ABCA5: variants seen among roughly 807,000 people sequenced by gnomAD.
ABCA5 encodes the protein ATP binding cassette subfamily A member 5, also known as cholesterol transporter ABCA5.
Under a neutral mutation model 206.0 loss-of-function variants are expected in ABCA5, and 163 were observed. The observed-to-expected ratio is 0.79, with a 90% CI of 0.70 to 0.90. The LOEUF (loss-of-function observed/expected upper bound fraction) is 0.90, where lower values mean the gene tolerates loss of function less well. Among genes scored for constraint, ABCA5 ranks in the 40% least tolerant of loss-of-function variants. The probability of loss-of-function intolerance (pLI) is 0.00; values close to 1 mark genes in which losing one functional copy is unlikely to be tolerated. For missense variants in ABCA5, 1,859 were observed against 1,912.9 expected, an observed-to-expected ratio of 0.97 and a Z score of 0.53; for synonymous variants, 609 against 613.8, an observed-to-expected ratio of 0.99 and a Z score of 0.11.
chr17:69,302,948 T>C (rs920586105), intron 7 of ABCA5, 42 bp from the exon 8 acceptor site: 2 of 1,083,584 alleles, frequency 1.8e-6, no homozygotes, highest in Non-Finnish European at 2.5e-6. Flanking sequence ...TGTTCATATA[T>C]ACCAGTATGA....
intron 5 of ABCA5, 128 bp from the exon 6 acceptor site, chr17:69,307,082 T>C (rs1162853977): frequency 8.9e-6 from 4 of 450,334 alleles, no homozygotes; most frequent in African/African-American, 8.1e-5. Flanking sequence ...AAAAGCTCCA[T>C]ACCTGAAATA....
intron 17 of ABCA5, 96 bp downstream of exon 17, chr17:69,285,802 T>C (rs1246103852): frequency 1.2e-5 from 16 of 1,291,030 alleles, no homozygotes; most frequent in Non-Finnish European, 1.5e-5. Context: ...AGCATGGCAA[T>C]ACTACATGGA....
chr17:69,258,589 G>A (rs1468138027), intron 28 of ABCA5, among the ~76,000 whole-genome samples: 3 of 152,002 alleles, frequency 2.0e-5, no homozygotes, highest in Non-Finnish European at 4.4e-5. Flanking sequence ...CTACCTATTA[G>A]GTACAACGTT....
In ABCA5 at chr17:69,250,523, C is replaced by A. The variant is rs370515109; in HGVS notation, c.4634G>T (p.Arg1545Leu). The change falls in exon 36 of 39, where the codon CGC becomes CTC. Residue 1545 changes from arginine to leucine, a missense_variant. Transcript: ENST00000392676. ...AATATACTGAATTTCTCTTTGAAGG[C>A]GGTCTACTTCTAGGTTTTCTATCCA... Reference protein sequence around the residue: ...KDWIENLEVDRLQREIQYIFP... With the variant: ...KDWIENLEVDLLQREIQYIFP... 2 of 1,602,110 alleles carry A rather than the reference C, an allele frequency of 1.2e-6. No individual in the cohort carries two copies. The highest frequency in any genetic ancestry group is 2.3e-5 in the South Asian group (2 of 88,498).
chr17:69,272,807 C>T (rs1040271967), intron 20 of ABCA5, among the ~76,000 whole-genome samples: 3 of 152,116 alleles, frequency 2.0e-5, no homozygotes, highest in African/African-American at 7.2e-5. Context: ...TGTAATATAA[C>T]ACGCACCAGA....
chr17:69,251,831 C>T lies in ABCA5; in HGVS notation c.4451G>A (p.Arg1484Gln), dbSNP rs774971336. The change falls in exon 35 of 39, where the codon CGG becomes CAG. Residue 1484 changes from arginine (R) to glutamine (Q), a missense_variant. By Grantham distance (43) the Arg-to-Gln change is conservative. Coordinates refer to ENST00000392676, the MANE Select transcript of ABCA5 (RefSeq NM_172232.4). ...AIRTAFKNRK[R>Q]AAILTTHYME... ...ATAGTGAGTGGTCAGAATAGCAGCC[C>T]GCTTTCTGTTTTTAAATGCAGTTCG... 20 of 1,613,466 alleles carry T rather than the reference C, an allele frequency of 1.2e-5. No individual in the cohort carries two copies. Among genetic ancestry groups the T allele is most frequent in the East Asian group, 6.7e-5 (3 of 44,838 alleles).
Position 69,306,770 on chromosome 17 carries a change from A to T in ABCA5, c.743T>A (p.Ile248Lys). 1 of 1,553,676 alleles carries T rather than the reference A, an allele frequency of 6.4e-7. No individual in the cohort carries two copies. The part of the protein sequence containing the change: ...IHIVAEKEKK[I>K]KEFLKIMGLH... The stretch of plus-strand genomic sequence containing the variant: ...TCCCATTATCTTTAAAAATTCTTTT[A>T]TTTTTTTTTCTTTTTCTGCTACGAT... The change falls in exon 6 of 39, where the codon ATA (isoleucine) becomes AAA (lysine). Residue 248 changes from isoleucine (I) to lysine (K), a missense_variant. By Grantham distance (102) the Ile-to-Lys change is moderately radical. Coordinates refer to ENST00000392676, the MANE Select transcript of ABCA5 (RefSeq NM_172232.4).
At chr17:69,278,689 A>T (rs1254600630) in intron 18 of ABCA5, among the ~76,000 whole-genome samples, 1 of 152,198 alleles carries the variant, frequency 6.6e-6, no homozygotes, top group South Asian at 2.1e-4. Context: ...ATTCATTTAA[A>T]TTACAGTTAA....
intron 14 of ABCA5, among the ~76,000 whole-genome samples, chr17:69,288,734 GAAA>G (rs2075490882): frequency 2.0e-5 from 3 of 150,586 alleles, no homozygotes; most frequent in Non-Finnish European, 4.4e-5. Context: ...AAGAAAGAAA[GAAA>G]GAAAGAAAGA....
intron 35 of ABCA5, 87 bp downstream of exon 35, chr17:69,251,660 T>C: frequency 1.3e-6 from 2 of 1,484,962 alleles, no homozygotes; most frequent in Non-Finnish European, 1.8e-6. Context: ...TTTAAATTAC[T>C]AACTATTGCC....
chr17:69,286,455 G>C (rs1598178736), intron 15 of ABCA5, 144 bp from the exon 16 acceptor site: 2 of 686,178 alleles, frequency 2.9e-6, no homozygotes, highest in Non-Finnish European at 4.8e-6. Context: ...GATGGTACTA[G>C]ATTATCATCA....
Position 69,246,673 on chromosome 17 carries a change from A to G in ABCA5, c.*864T>C, listed in dbSNP as rs1410393768. 1 of 151,932 alleles carries G rather than the reference A, an allele frequency of 6.6e-6. No individual in the cohort carries two copies. The highest frequency in any genetic ancestry group is 2.4e-5 in the African/African-American group (1 of 41,450). The allele number at this position is 151,932 out of a possible 1,614,324, so 9.4% of individuals were successfully genotyped here. A position where few individuals can be genotyped will look rare whatever the true frequency, so the allele number is the denominator to read the frequency against. On this transcript the variant is annotated 3_prime_UTR_variant, in exon 39 of 39. Coordinates refer to ENST00000392676, the MANE Select transcript of ABCA5 (RefSeq NM_172232.4). ...AATACCCAATAAAATATTTTATTCA[A>G]GAACAAAATTAAATGTGCCCTTTGC...
chr17:69,250,521 GGC>G lies in ABCA5; in HGVS notation c.4634_4635del (p.Arg1545ProfsTer25). 4 of 1,603,366 alleles carry G rather than the reference GGC, an allele frequency of 2.5e-6. No homozygotes were observed. Among genetic ancestry groups the G allele is most frequent in the Non-Finnish European group, 3.4e-6 (4 of 1,176,446 alleles). On this transcript the variant is annotated frameshift_variant, in exon 36 of 39. Coordinates refer to ENST00000392676, the MANE Select transcript of ABCA5 (RefSeq NM_172232.4). LOFTEE classifies it high-confidence loss of function. ...KDWIENLEVD[R>X]LQREIQYIFP... ...AAAATATACTGAATTTCTCTTTGAA[GGC>G]GGTCTACTTCTAGGTTTTCTATCCA...
chr17:69,262,356 CAGTT>C (rs1037885672), intron 24 of ABCA5, among the ~76,000 whole-genome samples: 15 of 152,202 alleles, frequency 9.9e-5, no homozygotes, highest in Middle Eastern at 6.8e-3. Context: ...CAGTACCTAA[CAGTT>C]AGTTTTTCAA....
At chr17:69,303,321 T>C (rs1260454949) in intron 7 of ABCA5, among the ~76,000 whole-genome samples, 2 of 152,060 alleles carry the variant, frequency 1.3e-5, no homozygotes, top group Non-Finnish European at 2.9e-5. Context: ...TTTCACCATG[T>C]TGCCCAGGCT....
At chr17:69,325,386 A>C (rs1285001284) in intron 1 of ABCA5, among the ~76,000 whole-genome samples, 1 of 152,186 alleles carries the variant, frequency 6.6e-6, no homozygotes, top group Non-Finnish European at 1.5e-5. Context: ...GGAGAAAATA[A>C]CAATGCAATG....
At chr17:69,288,382 T>C (rs2075484182) in intron 14 of ABCA5, among the ~76,000 whole-genome samples, 1 of 152,140 alleles carries the variant, frequency 6.6e-6, no homozygotes, top group South Asian at 2.1e-4. Flanking sequence ...AACAAATACA[T>C]ACAAAATCAA....
intron 1 of ABCA5, among the ~76,000 whole-genome samples, chr17:69,319,750 T>C (rs2145052504): frequency 1.3e-5 from 2 of 152,368 alleles, no homozygotes; most frequent in Non-Finnish European, 2.9e-5. Flanking sequence ...AAATGTCCTA[T>C]TATCTTCCCA....
intron 11 of ABCA5, among the ~76,000 whole-genome samples, chr17:69,293,529 T>C (rs1257479093): frequency 2.0e-5 from 3 of 152,322 alleles, no homozygotes; most frequent in Middle Eastern, 3.4e-3. Context: ...CATTAACTTT[T>C]ATAATCATCT....
Sources: allele counts gnomAD v4.1 joint callset (sites outside exome capture counted in the v4.1 genomes callset), GRCh38; gene constraint gnomAD v4.1.1; transcripts MANE v1.5; gene names NCBI Gene and HGNC (gene_info 2026-07-23, HGNC 2026-07-21).